The following CAMKMT variants were observed in gnomAD, a reference collection of about 807,000 sequenced individuals.
CAMKMT encodes CaM KMT.
Under a neutral mutation model 48.0 loss-of-function variants are expected in CAMKMT, and 53 were observed. That is an observed-to-expected ratio of 1.10 (90% confidence interval 0.89 to 1.39). The LOEUF (loss-of-function observed/expected upper bound fraction) is 1.39, where lower values mean the gene tolerates loss of function less well. CAMKMT is among the 40% of genes most tolerant of loss of function. The pLI is 0.00. For synonymous variants in CAMKMT, 165 were observed against 152.3 expected, an observed-to-expected ratio of 1.08 and a Z score of -0.61; for missense variants, 428 against 402.7, an observed-to-expected ratio of 1.06 and a Z score of -0.54.
intron 7 of CAMKMT, among the ~76,000 whole-genome samples, chr2:44,735,319 T>C (rs491415): frequency 0.071 from 10,800 of 152,312 alleles, 480 homozygotes; most frequent in African/African-American, 0.13. Flanking sequence ...TGCCTTTTAA[T>C]TGGAGCGTTC....
intron 3 of CAMKMT, among the ~76,000 whole-genome samples, chr2:44,684,107 G>A (rs1258095780): frequency 1.3e-5 from 2 of 152,154 alleles, no homozygotes; most frequent in African/African-American, 4.8e-5. Context: ...TGGGGCCAAG[G>A]AGGAGAAATG....
At chr2:44,362,231 T>C in intron 1 of CAMKMT, 86 bp downstream of exon 1, 1 of 1,210,894 alleles carries the variant, frequency 8.3e-7, no homozygotes, top group South Asian at 1.7e-5. Context: ...AGTTCTTTCC[T>C]CTTGGCAGCT....
At chr2:44,435,027 A>G (rs1427337606) in intron 3 of CAMKMT, among the ~76,000 whole-genome samples, 1 of 152,192 alleles carries the variant, frequency 6.6e-6, no homozygotes, top group Non-Finnish European at 1.5e-5. Flanking sequence ...GAGCATCGTT[A>G]GGTTCTTTTG....
Position 44,661,549 on chromosome 2 carries a change from C to T in CAMKMT, c.377-42734C>T, listed in dbSNP as rs376781150. On this transcript the variant is annotated intron_variant, in intron 3 of 10. Coordinates refer to ENST00000378494, the MANE Select transcript of CAMKMT (RefSeq NM_024766.5). Reference sequence around the variant, plus strand: ...CAGGCTGGTCTTGAACTCCTGACCTCAGGTGAGCAGACTTTAAGCCTTGGT... The same window carrying T: ...CAGGCTGGTCTTGAACTCCTGACCTTAGGTGAGCAGACTTTAAGCCTTGGT... Among the ~76,000 whole-genome samples the T allele has an allele frequency of 7.2e-5, 11 of 152,232 alleles. No homozygotes were observed. The East Asian group carries it at 2.1e-3, about 29-fold the overall frequency.
At chr2:44,463,408 C>A (rs1667947050) in intron 3 of CAMKMT, among the ~76,000 whole-genome samples, 1 of 152,204 alleles carries the variant, frequency 6.6e-6, no homozygotes, top group Admixed American at 6.5e-5. Context: ...ATGTCAGCCC[C>A]TCTCTTAAGC....
At chr2:44,533,589 AT>A (rs1472340930) in intron 3 of CAMKMT, among the ~76,000 whole-genome samples, 1 of 152,232 alleles carries the variant, frequency 6.6e-6, no homozygotes. Context: ...GGAGAAATAA[AT>A]TCTTTCCCAG....
At chr2:44,598,355 C>T (rs975926737) in intron 3 of CAMKMT, among the ~76,000 whole-genome samples, 1 of 151,882 alleles carries the variant, frequency 6.6e-6, no homozygotes, top group African/African-American at 2.4e-5. Context: ...TCACAAAAAC[C>T]AAGTTATGCA....
chr2:44,699,526 G>A (rs1404346149), intron 3 of CAMKMT, among the ~76,000 whole-genome samples: 1 of 152,174 alleles, frequency 6.6e-6, no homozygotes, highest in African/African-American at 2.4e-5. Context: ...ATAAACAGAT[G>A]TACTATCATC....
At chr2:44,604,434 TCAGA>T (rs1671168855) in intron 3 of CAMKMT, among the ~76,000 whole-genome samples, 1 of 152,042 alleles carries the variant, frequency 6.6e-6, no homozygotes, top group Admixed American at 6.6e-5. Context: ...TCAAACAAAT[TCAGA>T]AACCCTTATC....
At chr2:44,621,723 G>A (rs752134820) in intron 3 of CAMKMT, among the ~76,000 whole-genome samples, 1 of 152,122 alleles carries the variant, frequency 6.6e-6, no homozygotes, top group Non-Finnish European at 1.5e-5. Flanking sequence ...TAACGTGTGT[G>A]GATTATATTC....
At chr2:44,449,363 C>G (rs1179981248) in intron 3 of CAMKMT, among the ~76,000 whole-genome samples, 2 of 152,136 alleles carry the variant, frequency 1.3e-5, no homozygotes, top group Non-Finnish European at 2.9e-5. Flanking sequence ...TGCTGATATA[C>G]CCTCAGCCCT....
intron 8 of CAMKMT, among the ~76,000 whole-genome samples, chr2:44,752,215 A>G (rs556463624): frequency 1.3e-3 from 199 of 151,536 alleles, no homozygotes; most frequent in Non-Finnish European, 2.1e-3. Context: ...AGTTATTATG[A>G]CCTCAGTTCA....
At chr2:44,615,410 G>C (rs1197176498) in intron 3 of CAMKMT, among the ~76,000 whole-genome samples, 2 of 152,162 alleles carry the variant, frequency 1.3e-5, no homozygotes, top group African/African-American at 2.4e-5. Context: ...ATGGCCAGGG[G>C]AATCAAGAAA....
At chr2:44,557,728 T>C (rs1173473741) in intron 3 of CAMKMT, among the ~76,000 whole-genome samples, 1 of 152,244 alleles carries the variant, frequency 6.6e-6, no homozygotes, top group Non-Finnish European at 1.5e-5. Context: ...ATTTTCTTGT[T>C]ACCGGGAGGT....
chr2:44,665,324 G>A (rs1277235226), intron 3 of CAMKMT, among the ~76,000 whole-genome samples: 2 of 152,160 alleles, frequency 1.3e-5, no homozygotes, highest in African/African-American at 4.8e-5. Context: ...TCCCGCCTCT[G>A]CCTCCCAAAG....
At chr2:44,458,911 AG>A in intron 3 of CAMKMT, among the ~76,000 whole-genome samples, 1 of 152,212 alleles carries the variant, frequency 6.6e-6, no homozygotes, top group East Asian at 1.9e-4. Context: ...TTGGGATAGA[AG>A]GACTCTCAGA....
At chr2:44,527,405 G>GTATATACA (rs1558679389) in intron 3 of CAMKMT, among the ~76,000 whole-genome samples, 15 of 127,576 alleles carry the variant, frequency 1.2e-4, no homozygotes, top group African/African-American at 4.1e-4. Flanking sequence ...ATGTATATAC[G>GTATATACA]TATATATATT....
intron 3 of CAMKMT, among the ~76,000 whole-genome samples, chr2:44,679,602 G>A (rs1050846071): frequency 2.0e-5 from 3 of 152,200 alleles, no homozygotes; most frequent in Non-Finnish European, 4.4e-5. Context: ...CATAGCCTGC[G>A]CCATGTCAGA....
chr2:44,559,019 A>G (rs1350946544), intron 3 of CAMKMT, among the ~76,000 whole-genome samples: 1 of 152,152 alleles, frequency 6.6e-6, no homozygotes, highest in Non-Finnish European at 1.5e-5. Flanking sequence ...ACAGACAGAC[A>G]TTATCTGTCT....
Sources: gnomAD v4.1 joint callset for allele counts (sites outside exome capture counted in the v4.1 genomes callset) on GRCh38, gnomAD v4.1.1 for gene constraint, MANE v1.5 for transcripts, NCBI Gene and HGNC (gene_info 2026-07-23, HGNC 2026-07-21) for gene names.